PCDH15: variants seen among roughly 807,000 people sequenced by gnomAD.
PCDH15 encodes protocadherin-15.
PCDH15 carries 129 observed loss-of-function variants against 178.5 expected under a neutral mutation model. The observed-to-expected ratio is 0.72, with a 90% CI of 0.63 to 0.84. The LOEUF is 0.84. PCDH15 is among the 40% of genes least tolerant of loss of function. The pLI, the probability that PCDH15 is intolerant of heterozygous loss-of-function variation, is 0.00. For synonymous variants in PCDH15, 800 were observed against 732.0 expected (o/e 1.09, Z -1.50); for missense variants, 2,230 against 2,099.9 (o/e 1.06, Z -1.21).
intron 2 of PCDH15, among the ~76,000 whole-genome samples, chr10:54,583,101 G>A (rs150352891): frequency 0.014 from 2,191 of 151,990 alleles, 47 homozygotes; most frequent in African/African-American, 0.05. Flanking sequence ...TGAATTTTGC[G>A]TTATTACTTG....
intron 18 of PCDH15, among the ~76,000 whole-genome samples, chr10:54,065,869 A>T (rs1207338437): frequency 6.6e-6 from 1 of 152,208 alleles, no homozygotes; most frequent in Non-Finnish European, 1.5e-5. Context: ...TTTAAAGGAG[A>T]TTGAGCTAAA....
At chr10:55,261,218 G>A (rs1342137497) in intron 1 of PCDH15, among the ~76,000 whole-genome samples, 1 of 152,146 alleles carries the variant, frequency 6.6e-6, no homozygotes, top group Non-Finnish European at 1.5e-5. Context: ...TCATGGTTGT[G>A]ACATATGAAA....
intron 2 of PCDH15, among the ~76,000 whole-genome samples, chr10:54,621,240 T>C (rs2093340198): frequency 6.6e-6 from 1 of 151,974 alleles, no homozygotes; most frequent in African/African-American, 2.4e-5. Context: ...AATGAACATA[T>C]ATTGATTAGT....
At chr10:54,754,942 C>CTTTTTTT (rs35143502) in intron 1 of PCDH15, among the ~76,000 whole-genome samples, 3 of 33,856 alleles carry the variant, frequency 8.9e-5, no homozygotes, top group East Asian at 8.6e-4. Flanking sequence ...GTTTTTCTTT[C>CTTTTTTT]TTTTTTTTTT....
chr10:54,914,785 C>T (rs139616539), intron 2 of PCDH15, among the ~76,000 whole-genome samples: 1 of 152,262 alleles, frequency 6.6e-6, no homozygotes, highest in African/African-American at 2.4e-5. Flanking sequence ...GTTGGGATAA[C>T]CAAAACCCTT....
At chr10:54,660,425 A>C (rs2094472594) in intron 2 of PCDH15, among the ~76,000 whole-genome samples, 1 of 152,146 alleles carries the variant, frequency 6.6e-6, no homozygotes, top group South Asian at 2.1e-4. Context: ...GAGGAAATTG[A>C]AATCCTGAAG....
At chr10:54,825,247 C>T (rs1337076163) in intron 3 of PCDH15, among the ~76,000 whole-genome samples, 1 of 151,638 alleles carries the variant, frequency 6.6e-6, no homozygotes, top group Non-Finnish European at 1.5e-5. Context: ...TGTATATGTG[C>T]CACAGTTTCT....
chr10:54,765,086 G>A (rs1661876087), intron 1 of PCDH15, among the ~76,000 whole-genome samples: 3 of 152,096 alleles, frequency 2.0e-5, no homozygotes, highest in Admixed American at 6.5e-5. Context: ...CCCACAAGTT[G>A]TGGAGAAAAT....
chr10:54,805,419 C>T (rs975992118), upstream of PCDH15, among the ~76,000 whole-genome samples: 2 of 152,138 alleles, frequency 1.3e-5, no homozygotes, highest in African/African-American at 4.8e-5. Context: ...AGATTCAAAG[C>T]TGTTGGTTAT....
intron 14 of PCDH15, among the ~76,000 whole-genome samples, chr10:54,139,445 T>C (rs2043190375): frequency 6.6e-6 from 1 of 152,192 alleles, no homozygotes. Context: ...GTACACTTTT[T>C]GTGTAATATA....
At chr10:55,405,925 A>G (rs1417703661) in intron 2 of PCDH15, among the ~76,000 whole-genome samples, 1 of 151,996 alleles carries the variant, frequency 6.6e-6, no homozygotes, top group East Asian at 1.9e-4. Flanking sequence ...AGGGTGTTCT[A>G]GTAGTAGAAG....
chr10:55,173,985 G>T (rs1447055037), intron 1 of PCDH15, among the ~76,000 whole-genome samples: 1 of 151,920 alleles, frequency 6.6e-6, no homozygotes, highest in African/African-American at 2.4e-5. Flanking sequence ...ACACTTTATG[G>T]TACATTTTGC....
At chr10:54,490,478 TAATA>T (rs1018909724) in intron 3 of PCDH15, among the ~76,000 whole-genome samples, 27 of 151,306 alleles carry the variant, frequency 1.8e-4, no homozygotes, top group Admixed American at 3.9e-4. Flanking sequence ...AATAAATAAC[TAATA>T]AATAAATAAA....
intron 11 of PCDH15, 65 bp from the exon 12 acceptor site, chr10:54,185,333 A>G: frequency 1.3e-6 from 2 of 1,574,170 alleles, no homozygotes; most frequent in Non-Finnish European, 1.7e-6. Flanking sequence ...TTCATTACCT[A>G]GAAGTTAATG....
intron 2 of PCDH15, among the ~76,000 whole-genome samples, chr10:55,568,766 G>C (rs1390493931): frequency 1.3e-5 from 2 of 151,956 alleles, no homozygotes; most frequent in African/African-American, 4.8e-5. Flanking sequence ...GTAATTTTTT[G>C]AGTCATCTGC....
chr10:53,840,434 CCAAT>C lies in PCDH15; in HGVS notation c.3865_3868del (p.Ile1289GlufsTer11). 1 of 1,614,044 alleles carries C rather than the reference CCAAT, an allele frequency of 6.2e-7. No individual in the cohort carries two copies. Among genetic ancestry groups the C allele is most frequent in the Non-Finnish European group, 8.5e-7 (1 of 1,179,940 alleles). On this transcript the variant is annotated frameshift_variant, in exon 29 of 38. Coordinates refer to ENST00000644397, the MANE Select transcript of PCDH15 (RefSeq NM_001384140.1). LOFTEE classifies it high-confidence loss of function. ...AAAGGCATCTCCATGCCGGCGAGCTCCAATGGACTCCACTACGACCTTGGCACCA... is the reference window on the plus strand; with the variant it reads ...AAAGGCATCTCCATGCCGGCGAGCTCGGACTCCACTACGACCTTGGCACCA...
chr10:55,037,974 G>C (rs1840778379), intron 2 of PCDH15, among the ~76,000 whole-genome samples: 1 of 152,036 alleles, frequency 6.6e-6, no homozygotes, highest in African/African-American at 2.4e-5. Context: ...AATAAGCAAA[G>C]CCCACAAGTA....
intron 37 of PCDH15, 94 bp from the exon 38 acceptor site, chr10:53,807,224 G>A (rs1841243073): frequency 9.5e-7 from 1 of 1,056,448 alleles, no homozygotes; most frequent in South Asian, 1.7e-5. Context: ...ATGACATTTA[G>A]AAAGCTGTCA....
At chr10:54,793,722 ACTTGTGT>A in intron 1 of PCDH15, among the ~76,000 whole-genome samples, 1 of 148,518 alleles carries the variant, frequency 6.7e-6, no homozygotes, top group East Asian at 2.0e-4. Context: ...ATATATATAC[ACTTGTGT>A]ATATATATGT....
Sources: allele counts gnomAD v4.1 joint callset (sites outside exome capture counted in the v4.1 genomes callset), GRCh38; gene constraint gnomAD v4.1.1; transcripts MANE v1.5; gene names NCBI Gene and HGNC (gene_info 2026-07-23, HGNC 2026-07-21).